The following SENP7 variants were observed in gnomAD, a reference collection of about 807,000 sequenced individuals.
SENP7 encodes sentrin-specific protease 7.
In SENP7, 64 loss-of-function variants were observed where a neutral mutation model predicts 141.2. That is an observed-to-expected ratio of 0.45 (90% CI 0.37 to 0.56). The LOEUF is 0.56. SENP7 is among the 20% of genes least tolerant of loss of function. The pLI is 0.00. For missense variants in SENP7, 1,025 were observed against 1,212.2 expected (o/e 0.85, Z 2.29); for synonymous variants, 382 against 426.4 (o/e 0.90, Z 1.28).
intron 5 of SENP7, among the ~76,000 whole-genome samples, chr3:101,407,961 A>G (rs186948933): frequency 1.3e-5 from 2 of 152,178 alleles, no homozygotes; most frequent in Admixed American, 6.5e-5. Flanking sequence ...AATTAAAACA[A>G]AAAAAATACA....
chr3:101,417,954 C>T (rs1009750928), intron 4 of SENP7, among the ~76,000 whole-genome samples, 164 bp from the exon 5 acceptor site: 1 of 152,102 alleles, frequency 6.6e-6, no homozygotes, highest in South Asian at 2.1e-4. Flanking sequence ...ATCAAAGATA[C>T]CTTAAAAAGT....
At chr3:101,348,970 TACTCAAAGTATAG>T (rs1203910692) in intron 12 of SENP7, among the ~76,000 whole-genome samples, 1 of 152,148 alleles carries the variant, frequency 6.6e-6, no homozygotes, top group African/African-American at 2.4e-5. Context: ...AGAACTTTGT[TACTCAAAGTATAG>T]TCTAAGCTGA....
chr3:101,489,696 C>T (rs2064882872), intron 3 of SENP7, among the ~76,000 whole-genome samples: 2 of 152,088 alleles, frequency 1.3e-5, no homozygotes, highest in Admixed American at 1.3e-4. Context: ...GTTAGGCAAC[C>T]ACATCATAAT....
intron 17 of SENP7, chr3:101,337,030 C>T: frequency 6.6e-6 from 1 of 152,308 alleles, no homozygotes; most frequent in Non-Finnish European, 1.5e-5. Context: ...CAAAAAAACA[C>T]AAAGCCAAAA....
intron 3 of SENP7, among the ~76,000 whole-genome samples, chr3:101,482,181 C>A (rs960628312): frequency 6.6e-6 from 1 of 151,746 alleles, no homozygotes; most frequent in African/African-American, 2.4e-5. Context: ...GGTGTGGTGG[C>A]GGGCACCTGT....
chr3:101,387,336 A>C (rs1022740570), intron 6 of SENP7, among the ~76,000 whole-genome samples: 1 of 152,036 alleles, frequency 6.6e-6, no homozygotes, highest in African/African-American at 2.4e-5. Context: ...CACAGGCAGC[A>C]TGAGCCATTC....
chr3:101,473,628 A>G (rs2064101574), intron 3 of SENP7, among the ~76,000 whole-genome samples: 1 of 152,206 alleles, frequency 6.6e-6, no homozygotes, highest in Non-Finnish European at 1.5e-5. Context: ...TAGATGCAGT[A>G]TATTCGACTT....
chr3:101,510,377 C>T (rs1006430091), intron 1 of SENP7, among the ~76,000 whole-genome samples: 2 of 152,192 alleles, frequency 1.3e-5, no homozygotes, highest in African/African-American at 4.8e-5. Context: ...ACACTGTGAA[C>T]ATTTTACAGT....
At chr3:101,489,253 C>G (rs2064860096) in intron 3 of SENP7, among the ~76,000 whole-genome samples, 1 of 152,142 alleles carries the variant, frequency 6.6e-6, no homozygotes, top group Non-Finnish European at 1.5e-5. Context: ...AGCAACTATA[C>G]AGTCAAGTCT....
chr3:101,444,673 A>C (rs2062816640), intron 4 of SENP7, among the ~76,000 whole-genome samples: 1 of 145,026 alleles, frequency 6.9e-6, no homozygotes, highest in South Asian at 2.3e-4. Context: ...ACTCTCACTC[A>C]TAGGTGGGAA....
At chr3:101,411,142 A>T (rs1386923584) in intron 5 of SENP7, among the ~76,000 whole-genome samples, 1 of 152,214 alleles carries the variant, frequency 6.6e-6, no homozygotes, top group Non-Finnish European at 1.5e-5. Context: ...GAAGAATAAT[A>T]TCTCCCTTAC....
chr3:101,339,176 T>C (rs992382137), intron 16 of SENP7, among the ~76,000 whole-genome samples: 22 of 152,162 alleles, frequency 1.4e-4, no homozygotes, highest in Admixed American at 2.0e-4. Flanking sequence ...TCTGTAAATA[T>C]AATGTGAGAC....
At chr3:101,431,184 T>C (rs1228432855) in intron 4 of SENP7, among the ~76,000 whole-genome samples, 2 of 152,200 alleles carry the variant, frequency 1.3e-5, no homozygotes, top group Non-Finnish European at 2.9e-5. Context: ...GTTCTTTAGA[T>C]GTCTATTAGG....
Position 101,340,109 on chromosome 3 carries a change from A to G in SENP7, c.2343T>C (p.Ile781=). The change falls in exon 16 of 24, where the codon ATT becomes ATC. Residue 781 remains isoleucine (I), a synonymous_variant. Coordinates refer to ENST00000394095, the MANE Select transcript of SENP7 (RefSeq NM_020654.5). ...EEGEFLNDVI[I]DFYLKYLILE... ...ATTGTACTTACTTAAGGTAAAAATC[A>G]ATGATTACATCATTAAGAAACTCTC... 6.3e-7 allele frequency: 1 copy of G among 1,584,260 alleles called. No homozygotes were observed. Among genetic ancestry groups the G allele is most frequent in the Non-Finnish European group, 8.5e-7 (1 of 1,171,496 alleles).
intron 4 of SENP7, among the ~76,000 whole-genome samples, chr3:101,429,585 T>C (rs1234693788): frequency 6.6e-6 from 1 of 152,198 alleles, no homozygotes; most frequent in Non-Finnish European, 1.5e-5. Flanking sequence ...TAAGGAGATT[T>C]TGGGCTGAGA....
At chr3:101,452,692 T>G (rs981564520) in intron 4 of SENP7, among the ~76,000 whole-genome samples, 21 of 152,194 alleles carry the variant, frequency 1.4e-4, no homozygotes, top group African/African-American at 5.1e-4. Flanking sequence ...ATCCCTTCCT[T>G]ACACCTTACA....
At chr3:101,455,404 A>G (rs954143242) in intron 4 of SENP7, among the ~76,000 whole-genome samples, 2 of 152,208 alleles carry the variant, frequency 1.3e-5, no homozygotes, top group Admixed American at 6.5e-5. Flanking sequence ...CTAACATATA[A>G]TAAGTATTTA....
chr3:101,457,208 T>A (rs1286866980), intron 4 of SENP7: 1 of 1,488,962 alleles, frequency 6.7e-7, no homozygotes, highest in Admixed American at 1.7e-5. Flanking sequence ...CCCAGTAACT[T>A]CTTCAAGTTT....
intron 4 of SENP7, among the ~76,000 whole-genome samples, chr3:101,451,942 A>G (rs1427459912): frequency 6.6e-6 from 1 of 152,236 alleles, no homozygotes; most frequent in African/African-American, 2.4e-5. Context: ...TGCAGATGAC[A>G]TGATTGTATA....
Sources: allele counts gnomAD v4.1 joint callset (sites outside exome capture counted in the v4.1 genomes callset), GRCh38; gene constraint gnomAD v4.1.1; transcripts MANE v1.5; gene names NCBI Gene and HGNC (gene_info 2026-07-23, HGNC 2026-07-21).